Variants in GATA4 observed in about 807,000 individuals in gnomAD.
The protein encoded by GATA4 is transcription factor GATA-4.
GATA4 carries 7 observed loss-of-function variants against 37.9 expected under a neutral mutation model. The ratio of observed to expected loss-of-function variants is 0.18; its 90% CI spans 0.11 to 0.35. The LOEUF is 0.35. Among genes scored for constraint, GATA4 ranks in the 10% least tolerant of loss-of-function variants. The pLI, the probability that GATA4 is intolerant of heterozygous loss-of-function variation, is 1.00. For synonymous variants in GATA4, 372 were observed against 292.6 expected, an observed-to-expected ratio of 1.27 and a Z score of -2.77; for missense variants, 647 against 653.0, an observed-to-expected ratio of 0.99 and a Z score of 0.10.
At chr8:11,697,506 T>A (rs1372979656) in intron 1 of GATA4, 2 of 959,126 alleles carry the variant, frequency 2.1e-6, no homozygotes, top group African/African-American at 3.7e-5. Context: ...GGTGGGCACC[T>A]GCTGCAGTTG....
intron 2 of GATA4, among the ~76,000 whole-genome samples, chr8:11,711,052 G>T (rs1385309948): frequency 1.3e-5 from 2 of 152,098 alleles, no homozygotes; most frequent in African/African-American, 2.4e-5. Context: ...CGGAGGTTGA[G>T]TGAGATTGCT....
At chr8:11,716,239 CATATT>C (rs964618177) in intron 2 of GATA4, among the ~76,000 whole-genome samples, 7 of 151,924 alleles carry the variant, frequency 4.6e-5, no homozygotes, top group African/African-American at 1.7e-4. Flanking sequence ...ATTTTAAAAA[CATATT>C]AAACTAATTA....
chr8:11,718,355 C>T (rs1374392749), intron 2 of GATA4, among the ~76,000 whole-genome samples: 2 of 152,214 alleles, frequency 1.3e-5, no homozygotes, highest in African/African-American at 4.8e-5. Context: ...TGGCCTTCTG[C>T]ATTTTGCAGG....
chr8:11,697,969 G>GT (rs1799555665), intron 1 of GATA4: 6 of 985,360 alleles, frequency 6.1e-6, no homozygotes, highest in East Asian at 2.3e-4. Context: ...TCCAGCCGCG[G>GT]GTGTCCCTAC....
chr8:11,746,814 G>A (rs905499632), intron 2 of GATA4, among the ~76,000 whole-genome samples: 2 of 152,254 alleles, frequency 1.3e-5, no homozygotes, highest in African/African-American at 4.8e-5. Context: ...TGACCCAGGT[G>A]TAAAAATAGC....
At chr8:11,747,290 C>A (rs1363704761) in intron 2 of GATA4, among the ~76,000 whole-genome samples, 1 of 152,298 alleles carries the variant, frequency 6.6e-6, no homozygotes, top group South Asian at 2.1e-4. Flanking sequence ...AGAAAACTGG[C>A]CCAGCCTGTC....
intron 1 of GATA4, chr8:11,692,679 G>C (rs1181153107): frequency 2.0e-6 from 2 of 985,080 alleles, no homozygotes; most frequent in Non-Finnish European, 2.4e-6. Context: ...GGGGGTGCGG[G>C]GGTGAGGGGT....
chr8:11,744,833 C>G (rs2130286118), intron 2 of GATA4, among the ~76,000 whole-genome samples: 1 of 152,288 alleles, frequency 6.6e-6, no homozygotes, highest in South Asian at 2.1e-4. Context: ...CCTTCTATCG[C>G]AATGGGACTT....
At chr8:11,720,339 G>T (rs1346108296) in intron 2 of GATA4, among the ~76,000 whole-genome samples, 3 of 152,006 alleles carry the variant, frequency 2.0e-5, no homozygotes, top group Admixed American at 2.0e-4. Context: ...GTGCCTGCGT[G>T]GACATCAAAC....
At chr8:11,705,066 G>A (rs2130046287) in intron 1 of GATA4, among the ~76,000 whole-genome samples, 1 of 152,354 alleles carries the variant, frequency 6.6e-6, no homozygotes, top group South Asian at 2.1e-4. Context: ...CGTGGGCAGA[G>A]GGGGGTGCCG....
Position 11,708,711 on chromosome 8 carries a change from C to T in GATA4, c.399C>T (p.Ser133=), listed in dbSNP as rs1362379796. 4 of 1,272,110 alleles carry T rather than the reference C, an allele frequency of 3.1e-6. No individual in the cohort carries two copies. Among genetic ancestry groups the T allele is most frequent in the East Asian group, 3.3e-5 (1 of 30,400 alleles). The allele number at this position is 1,272,110 out of a possible 1,614,324, so 78.8% of individuals were successfully genotyped here. Residue 133 remains serine (S), a synonymous_variant, in exon 2 of 7, where the codon AGC becomes AGT. Coordinates refer to ENST00000532059, the MANE Select transcript of GATA4 (RefSeq NM_001308093.3). The surrounding 1 kb of genome is among the most constrained non-coding windows in gnomAD (Gnocchi z 6.7). ...AAAAREAAAY[S]SGGGAAGAGL... ...CGGCCCGGGAAGCTGCGGCCTACAGCAGTGGCGGCGGAGCGGCGGGTGCGG... is the reference window on the plus strand; with the variant it reads ...CGGCCCGGGAAGCTGCGGCCTACAGTAGTGGCGGCGGAGCGGCGGGTGCGG...
chr8:11,751,396 A>G (rs2740434), intron 4 of GATA4, among the ~76,000 whole-genome samples: 108,288 of 152,092 alleles, frequency 0.71, 38,720 homozygotes, highest in East Asian at 0.9. Flanking sequence ...ATATGTAGAG[A>G]TTGGTCACAT....
intron 1 of GATA4, chr8:11,680,582 T>A: frequency 1.0e-6 from 1 of 985,254 alleles, no homozygotes; most frequent in Non-Finnish European, 1.2e-6. Context: ...AAGCCCAGGC[T>A]ATGCCCAGCC....
At chr8:11,753,960 G>T (rs1007766666) in intron 4 of GATA4, among the ~76,000 whole-genome samples, 1 of 152,214 alleles carries the variant, frequency 6.6e-6, no homozygotes, top group African/African-American at 2.4e-5. Flanking sequence ...AGGCATCTGT[G>T]AATGGCTCTG....
At chr8:11,699,032 T>C (rs1008817290) in intron 1 of GATA4, among the ~76,000 whole-genome samples, 3 of 152,244 alleles carry the variant, frequency 2.0e-5, no homozygotes, top group Non-Finnish European at 2.9e-5. Context: ...TTGATGGATG[T>C]TATTAACAGC....
intron 2 of GATA4, among the ~76,000 whole-genome samples, chr8:11,736,954 A>T (rs59101725): frequency 0.14 from 21,343 of 152,000 alleles, 2,207 homozygotes; most frequent in African/African-American, 0.29. Flanking sequence ...TGTGGTCTTC[A>T]TTCTTATTTT....
intron 4 of GATA4, among the ~76,000 whole-genome samples, chr8:11,753,839 C>G (rs1017641445): frequency 2.0e-5 from 3 of 152,276 alleles, no homozygotes; most frequent in African/African-American, 4.8e-5. Flanking sequence ...TTTATCAATC[C>G]CACATGGTAG....
chr8:11,733,690 C>T (rs1165305877), intron 2 of GATA4, among the ~76,000 whole-genome samples: 5 of 152,194 alleles, frequency 3.3e-5, no homozygotes, highest in African/African-American at 1.2e-4. Context: ...AATGTCTAAA[C>T]AGATATGCGT....
At chr8:11,750,006 GCCCTGCCTCCCGTT>G in intron 3 of GATA4, 91 bp from the exon 4 acceptor site, 1 of 1,544,318 alleles carries the variant, frequency 6.5e-7, no homozygotes. Context: ...TTAGGGCCCA[GCCCTGCCTCCCGTT>G]AGGGAGGCCC....
Sources: allele counts gnomAD v4.1 joint callset (sites outside exome capture counted in the v4.1 genomes callset), GRCh38; gene constraint gnomAD v4.1.1; non-coding constraint Gnocchi (gnomAD v3.1); transcripts MANE v1.5; gene names NCBI Gene and HGNC (gene_info 2026-07-23, HGNC 2026-07-21).